The following ZFAND6 variants were observed in gnomAD, a reference collection of about 807,000 sequenced individuals.
ZFAND6 encodes the protein AN1-type zinc finger protein 6.
Under a neutral mutation model 24.5 loss-of-function variants are expected in ZFAND6, and 12 were observed. The ratio of observed to expected loss-of-function variants is 0.49; its 90% confidence interval spans 0.31 to 0.79. The LOEUF (loss-of-function observed/expected upper bound fraction) is 0.79. ZFAND6 is among the 30% of genes least tolerant of loss of function. The pLI, the probability that ZFAND6 is intolerant of heterozygous loss-of-function variation, is 0.04. For synonymous variants in ZFAND6, 92 were observed against 81.5 expected (o/e 1.13, Z -0.69); for missense variants, 207 against 245.9 (o/e 0.84, Z 1.06).
chr15:80,078,901 A>G (rs1035889828), intron 1 of ZFAND6, among the ~76,000 whole-genome samples: 6 of 144,354 alleles, frequency 4.2e-5, no homozygotes, highest in East Asian at 4.0e-4. Flanking sequence ...TTTTATTATT[A>G]TTATACTTTA....
At chr15:80,116,283 A>G (rs2039874615) in intron 2 of ZFAND6, among the ~76,000 whole-genome samples, 1 of 152,158 alleles carries the variant, frequency 6.6e-6, no homozygotes, top group African/African-American at 2.4e-5. Flanking sequence ...CTGAGAGTGC[A>G]CGTTTTATAA....
intron 2 of ZFAND6, among the ~76,000 whole-genome samples, chr15:80,103,366 G>A (rs1370936588): frequency 6.6e-6 from 1 of 152,004 alleles, no homozygotes; most frequent in African/African-American, 2.4e-5. Context: ...TTCCTTACCT[G>A]GTTTTTTTAA....
chr15:80,137,413 A>G, intron 6 of ZFAND6, 67 bp from the exon 7 acceptor site: 3 of 1,540,336 alleles, frequency 1.9e-6, no homozygotes, highest in Non-Finnish European at 2.6e-6. Flanking sequence ...GCTGTTCAGT[A>G]TTAATTATGC....
At chr15:80,133,724 T>A (rs2040726196) in intron 6 of ZFAND6, among the ~76,000 whole-genome samples, 1 of 152,178 alleles carries the variant, frequency 6.6e-6, no homozygotes, top group Admixed American at 6.5e-5. Flanking sequence ...AAGTGAATAC[T>A]AGGACTTAAG....
chr15:80,090,376 G>A (rs187354569), intron 1 of ZFAND6, among the ~76,000 whole-genome samples: 5 of 152,280 alleles, frequency 3.3e-5, no homozygotes, highest in Admixed American at 1.3e-4. Flanking sequence ...TTGCTTTACT[G>A]CTTACCAGCT....
intron 1 of ZFAND6, among the ~76,000 whole-genome samples, chr15:80,062,048 G>A (rs1415103200): frequency 6.6e-6 from 1 of 152,166 alleles, no homozygotes; most frequent in Non-Finnish European, 1.5e-5. Flanking sequence ...GTCTGGCACT[G>A]TTTGGTATCT....
intron 1 of ZFAND6, among the ~76,000 whole-genome samples, chr15:80,064,010 C>T (rs2036475945): frequency 6.6e-6 from 1 of 152,232 alleles, no homozygotes; most frequent in Non-Finnish European, 1.5e-5. Flanking sequence ...ATTTCAAGTG[C>T]TCGGTAGCCA....
At chr15:80,071,794 C>T (rs1248241339) in intron 1 of ZFAND6, among the ~76,000 whole-genome samples, 1 of 151,424 alleles carries the variant, frequency 6.6e-6, no homozygotes, top group Non-Finnish European at 1.5e-5. Flanking sequence ...AAATTTTATA[C>T]CTGAACATGT....
At chr15:80,062,130 G>T (rs2036368104) in intron 1 of ZFAND6, among the ~76,000 whole-genome samples, 1 of 152,104 alleles carries the variant, frequency 6.6e-6, no homozygotes, top group South Asian at 2.1e-4. Flanking sequence ...CCTTTCTGCT[G>T]TTCCTCTCCT....
At chr15:80,076,346 T>G (rs1439750148) in intron 1 of ZFAND6, among the ~76,000 whole-genome samples, 1 of 152,034 alleles carries the variant, frequency 6.6e-6, no homozygotes, top group Non-Finnish European at 1.5e-5. Flanking sequence ...ACAATTAGCC[T>G]ATAAATTTTA....
chr15:80,093,167 A>G (rs1022418091), intron 1 of ZFAND6, among the ~76,000 whole-genome samples: 4 of 151,652 alleles, frequency 2.6e-5, no homozygotes, highest in African/African-American at 9.7e-5. Flanking sequence ...GGGTTTCACC[A>G]TGCTGACCAG....
chr15:80,133,628 GAA>G (rs1456771644), intron 6 of ZFAND6, among the ~76,000 whole-genome samples: 1 of 152,198 alleles, frequency 6.6e-6, no homozygotes, highest in Non-Finnish European at 1.5e-5. Flanking sequence ...AGTTGTTGGA[GAA>G]AGAGTATCTG....
intron 1 of ZFAND6, among the ~76,000 whole-genome samples, chr15:80,062,378 G>C (rs775623800): frequency 1.3e-5 from 2 of 152,204 alleles, no homozygotes; most frequent in African/African-American, 4.8e-5. Context: ...TTCAGGATTT[G>C]TTAACTCCAT....
chr15:80,133,430 GGTGAT>G (rs1183024252), intron 6 of ZFAND6, among the ~76,000 whole-genome samples: 1 of 151,966 alleles, frequency 6.6e-6, no homozygotes, highest in East Asian at 1.9e-4. Context: ...CCTGACCTCA[GGTGAT>G]CCACCCACCT....
At chr15:80,126,323 G>C (rs902713386) in intron 5 of ZFAND6, among the ~76,000 whole-genome samples, 3 of 152,182 alleles carry the variant, frequency 2.0e-5, no homozygotes, top group Non-Finnish European at 2.9e-5. Context: ...GAATGAGTGA[G>C]AATAGCCAAA....
At chr15:80,129,793 T>C (rs1258026292) in intron 5 of ZFAND6, 1 of 152,152 alleles carries the variant, frequency 6.6e-6, no homozygotes, top group Non-Finnish European at 1.5e-5. Flanking sequence ...GAAGAGCTGA[T>C]TATATAAGCT....
intron 1 of ZFAND6, chr15:80,075,426 A>G (rs1179906163): frequency 6.0e-6 from 1 of 167,168 alleles, no homozygotes. Context: ...ATTCTGCAGT[A>G]CTACTGATCT....
chr15:80,085,684 A>C (rs1200030562), intron 1 of ZFAND6, among the ~76,000 whole-genome samples: 1 of 152,078 alleles, frequency 6.6e-6, no homozygotes, highest in Non-Finnish European at 1.5e-5. Flanking sequence ...CCTAGGTTTA[A>C]TTTTTTTAAT....
intron 1 of ZFAND6, among the ~76,000 whole-genome samples, chr15:80,085,246 G>A (rs1216765960): frequency 2.6e-5 from 4 of 151,990 alleles, no homozygotes; most frequent in Non-Finnish European, 5.9e-5. Flanking sequence ...TAGAATTTTT[G>A]TACGTGGTTT....
Sources: allele counts gnomAD v4.1 joint callset (sites outside exome capture counted in the v4.1 genomes callset), GRCh38; gene constraint gnomAD v4.1.1; transcripts MANE v1.5; gene names NCBI Gene and HGNC (gene_info 2026-07-23, HGNC 2026-07-21).